The following POC1A variants were observed in gnomAD, a reference collection of about 807,000 sequenced individuals.
POC1A encodes the protein POC1 centriolar protein A.
A neutral mutation model predicts 47.8 loss-of-function variants in POC1A; 34 were observed. That is an observed-to-expected ratio of 0.71 (90% CI 0.54 to 0.95). POC1A has a LOEUF of 0.95. POC1A is among the 40% of genes least tolerant of loss of function. The probability of loss-of-function intolerance (pLI) is 0.00; values close to 1 mark genes in which losing one functional copy is unlikely to be tolerated. For missense variants in POC1A, 466 were observed against 528.3 expected, an observed-to-expected ratio of 0.88 and a Z score of 1.16; for synonymous variants, 177 against 207.6, an observed-to-expected ratio of 0.85 and a Z score of 1.27.
intron 9 of POC1A, among the ~76,000 whole-genome samples, chr3:52,107,149 T>C (rs551109204): frequency 6.6e-6 from 1 of 152,376 alleles, no homozygotes; most frequent in East Asian, 1.9e-4. Flanking sequence ...TGCCTTGGCA[T>C]GTGCGGTTCC....
In POC1A at chr3:52,084,250, C is replaced by T. The variant is rs1702388415; in HGVS notation, c.1126-8265G>A. On this transcript the variant is annotated intron_variant, in intron 10 of 10. Transcript: ENST00000296484. This position sits in a 1 kb window ranked among gnomAD's most constrained non-coding sequence, Gnocchi z 4.3. Reference sequence around the variant, plus strand: ...AAGGGCACACCCTCAGAGACAGGTCCCTTCCAGGAGCTGCTCCTCCTCCCA... The same window carrying T: ...AAGGGCACACCCTCAGAGACAGGTCTCTTCCAGGAGCTGCTCCTCCTCCCA... Among the ~76,000 whole-genome samples, 1 of 152,226 alleles carries T rather than the reference C, an allele frequency of 6.6e-6. No homozygotes were observed. The highest frequency in any genetic ancestry group is 1.5e-5 in the Non-Finnish European group (1 of 68,044).
At chr3:52,145,736 G>T in intron 6 of POC1A, 110 bp downstream of exon 6, 1 of 671,140 alleles carries the variant, frequency 1.5e-6, no homozygotes, top group African/African-American at 1.8e-5. Flanking sequence ...ACACCTTCCT[G>T]CCCAAGGCCA....
chr3:52,099,676 C>A (rs1174771853), intron 9 of POC1A, among the ~76,000 whole-genome samples: 1 of 152,026 alleles, frequency 6.6e-6, no homozygotes. Context: ...TATGGTGAAA[C>A]CCTATCTCTA....
intron 9 of POC1A, among the ~76,000 whole-genome samples, chr3:52,103,735 A>C (rs1703076321): frequency 6.6e-6 from 1 of 152,172 alleles, no homozygotes; most frequent in African/African-American, 2.4e-5. Context: ...AATGTTAAAA[A>C]GGATGCTCTA....
Position 52,096,689 on chromosome 3 carries a change from G to C in POC1A, c.1005C>G (p.Pro335=). 6.2e-7 allele frequency: 1 copy of C among 1,601,608 alleles called. No individual in the cohort carries two copies. Among genetic ancestry groups the C allele is most frequent in the Non-Finnish European group, 8.5e-7 (1 of 1,175,486 alleles). The change falls in exon 10 of 11, where the codon CCC becomes CCG. Residue 335 remains proline, a synonymous_variant. Coordinates refer to ENST00000296484, the MANE Select transcript of POC1A (RefSeq NM_015426.5). ...ACTCCACACTCCTGCCTCTGCCTGG[G>C]GGGACAGGGAAGTCCACTTCTGGCT... ...GNLPEVDFPV[P]PGRGRSVESV... is the part of the protein sequence containing the mutation.
intron 9 of POC1A, among the ~76,000 whole-genome samples, chr3:52,111,116 T>C (rs1340162490): frequency 1.3e-5 from 2 of 152,182 alleles, no homozygotes; most frequent in African/African-American, 4.8e-5. Flanking sequence ...ACACCTCCCA[T>C]TGGTTTAAGT....
chr3:52,148,548 T>C (rs1182579358), intron 4 of POC1A, among the ~76,000 whole-genome samples: 1 of 152,254 alleles, frequency 6.6e-6, no homozygotes, highest in Non-Finnish European at 1.5e-5. Context: ...TTCTTGGACC[T>C]TGAAAGGTCC....
At chr3:52,112,535 G>A (rs756217263) in intron 9 of POC1A, among the ~76,000 whole-genome samples, 2 of 152,082 alleles carry the variant, frequency 1.3e-5, no homozygotes, top group Admixed American at 6.6e-5. Context: ...CCAGCTATTC[G>A]GGAGGCTGAG....
rs771010403 is a variant in POC1A, at chr3:52,075,898, C to T, written c.1213G>A (p.Ala405Thr). 7 of 1,611,674 alleles carry T rather than the reference C, an allele frequency of 4.3e-6. No homozygotes were observed. In the East Asian group the frequency reaches 1.1e-4, roughly 26 times the overall value. Reference sequence around the variant, plus strand: ...TCCTGCTCCCCTGATCATGGTGTTGCTCTCTGCATGATTAGCTGCTGGTTC... The same window carrying T: ...TCCTGCTCCCCTGATCATGGTGTTGTTCTCTGCATGATTAGCTGCTGGTTC... The part of the protein sequence containing the change: ...LENQQLIMQR[A>T]TP Residue 405 changes from alanine (A) to threonine (T), a missense_variant, in exon 11 of 11, where the codon GCA becomes ACA. Physicochemically the swap from Ala to Thr is moderately conservative, Grantham distance 58 (BLOSUM62 0). Coordinates refer to ENST00000296484, the MANE Select transcript of POC1A (RefSeq NM_015426.5).
intron 10 of POC1A, among the ~76,000 whole-genome samples, chr3:52,083,860 T>G (rs1253826122): frequency 1.3e-5 from 2 of 152,208 alleles, no homozygotes; most frequent in Non-Finnish European, 2.9e-5. Context: ...GCAAATGCTT[T>G]CCAAGTACTA....
At chr3:52,153,484 G>A (rs1027593883) in intron 1 of POC1A, among the ~76,000 whole-genome samples, 5 of 152,246 alleles carry the variant, frequency 3.3e-5, no homozygotes, top group Non-Finnish European at 1.5e-5. Flanking sequence ...TTCAACAACA[G>A]AGGGAGGAGC....
intron 9 of POC1A, among the ~76,000 whole-genome samples, chr3:52,118,871 C>T (rs1354943746): frequency 6.6e-6 from 1 of 152,106 alleles, no homozygotes; most frequent in Non-Finnish European, 1.5e-5. Flanking sequence ...TTTGAGAAGT[C>T]GAGCCACACT....
At chr3:52,121,900 A>G (rs989472482) in intron 9 of POC1A, among the ~76,000 whole-genome samples, 3 of 152,224 alleles carry the variant, frequency 2.0e-5, no homozygotes, top group African/African-American at 7.2e-5. Context: ...GGTACTAAAA[A>G]TGGTTTGTGG....
At chr3:52,132,742 T>A (rs1704269737) in intron 7 of POC1A, among the ~76,000 whole-genome samples, 1 of 152,108 alleles carries the variant, frequency 6.6e-6, no homozygotes, top group African/African-American at 2.4e-5. Flanking sequence ...CCAACAAAAT[T>A]GATACTGAAA....
chr3:52,146,083 C>T, intron 5 of POC1A, 122 bp from the exon 6 acceptor site: 1 of 626,984 alleles, frequency 1.6e-6, no homozygotes, highest in Non-Finnish European at 2.9e-6. Flanking sequence ...GACCCAGACA[C>T]CTCCTTTCTG....
At chr3:52,077,556 G>A (rs1326294621) in intron 10 of POC1A, among the ~76,000 whole-genome samples, 1 of 152,212 alleles carries the variant, frequency 6.6e-6, no homozygotes, top group Non-Finnish European at 1.5e-5. Context: ...CTAAGAGGCA[G>A]AGCTGAGCTG....
At chr3:52,150,525 C>T (rs777690299) in intron 2 of POC1A, among the ~76,000 whole-genome samples, 18 of 152,088 alleles carry the variant, frequency 1.2e-4, no homozygotes, top group Admixed American at 2.6e-4. Context: ...AAGCTGTGTA[C>T]GAAACCTCAT....
intron 7 of POC1A, among the ~76,000 whole-genome samples, chr3:52,136,682 T>C (rs1704481683): frequency 1.3e-5 from 2 of 152,168 alleles, no homozygotes; most frequent in Admixed American, 1.3e-4. Flanking sequence ...CTGGTTCCCA[T>C]ATCTCTAGAT....
Position 52,075,489 on chromosome 3 carries a change from A to G in POC1A, c.*398T>C, listed in dbSNP as rs1399139331. The G allele has an allele frequency of 1.1e-5, 2 of 177,980 alleles. No homozygotes were observed. Among genetic ancestry groups the G allele is most frequent in the Non-Finnish European group, 2.4e-5 (2 of 81,810 alleles). 11.0% of individuals were successfully genotyped at this position (177,980 alleles called of 1,614,324 possible). ...TCAATGTGCAATCAATTTCTACACC[A>G]TGGCAGAGGTAGGAAAAGCCAGTCA... On this transcript the variant is annotated 3_prime_UTR_variant, in exon 11 of 11. Coordinates refer to ENST00000296484, the MANE Select transcript of POC1A (RefSeq NM_015426.5).
Sources: gnomAD v4.1 joint callset for allele counts (sites outside exome capture counted in the v4.1 genomes callset) on GRCh38, gnomAD v4.1.1 for gene constraint, Gnocchi (gnomAD v3.1) non-coding constraint, MANE v1.5 for transcripts, NCBI Gene and HGNC (gene_info 2026-07-23, HGNC 2026-07-21) for gene names.